PKD1L1: variants seen among roughly 807,000 people sequenced by gnomAD.
PKD1L1 encodes polycystin 1 like 1, transient receptor potential channel interacting, also known as polycystin-1-like protein 1.
A neutral mutation model predicts 323.4 loss-of-function variants in PKD1L1; 236 were observed. The ratio of observed to expected loss-of-function variants is 0.73; its 90% CI spans 0.66 to 0.81. The LOEUF is 0.81. Ranked by LOEUF, PKD1L1 falls within the 40% of genes least tolerant of loss-of-function variation. The probability of loss-of-function intolerance (pLI) is 0.00; values close to 1 mark genes in which losing one functional copy is unlikely to be tolerated. For missense variants in PKD1L1, 3,320 were observed against 3,508.0 expected (o/e 0.95, Z 1.35); for synonymous variants, 1,344 against 1,335.0 (o/e 1.01, Z -0.15).
chr7:47,897,154 AG>A (rs1786954516), intron 14 of PKD1L1, among the ~76,000 whole-genome samples: 1 of 152,204 alleles, frequency 6.6e-6, no homozygotes, highest in Admixed American at 6.5e-5. Flanking sequence ...ATCCCAGCAC[AG>A]ATTGGGAGGA....
chr7:47,959,780 G>A, the PKD1L1 span, among the ~76,000 whole-genome samples: 471 of 135,334 alleles, frequency 3.5e-3, no homozygotes, highest in African/African-American at 6.5e-3. Context: ...CAGCCGCCCC[G>A]TCCGGGAGGT....
At chr7:47,777,455 CA>C (rs1410348088) in intron 56 of PKD1L1, among the ~76,000 whole-genome samples, 2 of 151,684 alleles carry the variant, frequency 1.3e-5, no homozygotes, top group African/African-American at 4.9e-5. Flanking sequence ...AGCCAGCACA[CA>C]GCAGAATGCA....
intron 33 of PKD1L1, among the ~76,000 whole-genome samples, chr7:47,844,605 G>C (rs1785626880): frequency 6.6e-6 from 1 of 152,152 alleles, no homozygotes; most frequent in African/African-American, 2.4e-5. Context: ...GAGAAAGAGG[G>C]AGCTATTAAT....
intron 24 of PKD1L1, 136 bp downstream of exon 24, chr7:47,873,763 A>G: frequency 1.7e-6 from 1 of 592,186 alleles, no homozygotes. Context: ...TAGCACCCGG[A>G]CTTTTTTATT....
intron 19 of PKD1L1, among the ~76,000 whole-genome samples, chr7:47,882,600 C>CG (rs1562971631): frequency 4.0e-5 from 6 of 150,650 alleles, no homozygotes; most frequent in Non-Finnish European, 5.9e-5. Flanking sequence ...CTAGAAGGAG[C>CG]CCTTCAAGCA....
At chr7:47,821,560 T>C (rs1785141584) in intron 45 of PKD1L1, among the ~76,000 whole-genome samples, 1 of 152,000 alleles carries the variant, frequency 6.6e-6, no homozygotes. Context: ...TGAGTCACCA[T>C]GCCGGGCCAG....
chr7:47,795,961 C>A (rs527885982), intron 55 of PKD1L1, 28 bp downstream of exon 55: 5 of 1,601,228 alleles, frequency 3.1e-6, no homozygotes, highest in Non-Finnish European at 4.3e-6. Flanking sequence ...TGCTATCATG[C>A]TCAGTAATCC....
At position 47,839,791 on chromosome 7, in the gene PKD1L1, C is replaced by G; in HGVS notation, c.5553-129G>C. 1 of 902,886 alleles carries G rather than the reference C, an allele frequency of 1.1e-6. No homozygotes were observed. The highest frequency in any genetic ancestry group is 1.7e-6 in the Non-Finnish European group (1 of 594,794). 55.9% of individuals were successfully genotyped at this position (902,886 alleles called of 1,614,324 possible). On this transcript the variant is annotated intron_variant, in intron 35 of 56. Transcript: ENST00000289672. This position sits in a 1 kb window ranked among gnomAD's most constrained non-coding sequence, Gnocchi z 4.3. Reference sequence around the variant, plus strand: ...GGTGGATGGGACATGTCAAAGGTGACTGACATGCAGAGTGACATGTGAAGC... The same window carrying G: ...GGTGGATGGGACATGTCAAAGGTGAGTGACATGCAGAGTGACATGTGAAGC...
intron 7 of PKD1L1, among the ~76,000 whole-genome samples, chr7:47,918,835 C>G (rs997980080): frequency 5.1e-4 from 78 of 152,118 alleles, no homozygotes; most frequent in African/African-American, 1.7e-3. Context: ...AATAGTGACA[C>G]AACGTATCAA....
the PKD1L1 span, among the ~76,000 whole-genome samples, chr7:47,954,055 TTTAAA>T: frequency 6.6e-6 from 1 of 152,216 alleles, no homozygotes; most frequent in Non-Finnish European, 1.5e-5. Context: ...TGTAGCCTCC[TTTAAA>T]TTTTTAAATA....
Position 47,881,908 on chromosome 7 carries a change from C to A in PKD1L1, c.3442+1G>T. ...GGAGGGTACAAAGAGGACATTCATA[C>A]CTGAGGATGAATAGCCTTGGAAAAC... On this transcript the variant is annotated splice_donor_variant, in intron 20 of 56. Transcript: ENST00000289672. LOFTEE classifies it high-confidence loss of function. 2 of 1,590,902 alleles carry A rather than the reference C, an allele frequency of 1.3e-6. No individual in the cohort carries two copies. The highest frequency in any genetic ancestry group is 1.7e-6 in the Non-Finnish European group (2 of 1,171,734).
At chr7:47,901,462 T>C (rs1787088032) in intron 13 of PKD1L1, among the ~76,000 whole-genome samples, 1 of 152,154 alleles carries the variant, frequency 6.6e-6, no homozygotes, top group African/African-American at 2.4e-5. Flanking sequence ...TCCCATGTCC[T>C]AACAGCAGAG....
chr7:47,821,256 C>T (rs545682892), intron 45 of PKD1L1, 70 bp from the exon 46 acceptor site: 1 of 829,898 alleles, frequency 1.2e-6, no homozygotes, highest in African/African-American at 1.7e-5. Flanking sequence ...CTTCAATTTG[C>T]AAAAGATTTA....
At chr7:47,864,430 G>A (rs1432318547) in intron 26 of PKD1L1, among the ~76,000 whole-genome samples, 1 of 152,070 alleles carries the variant, frequency 6.6e-6, no homozygotes, top group African/African-American at 2.4e-5. Flanking sequence ...AAGGTGTGAC[G>A]AAGGAAAAAC....
At chr7:47,838,454 A>G (rs749991303) in intron 36 of PKD1L1, among the ~76,000 whole-genome samples, 8 of 152,254 alleles carry the variant, frequency 5.3e-5, no homozygotes, top group Non-Finnish European at 7.3e-5. Flanking sequence ...TCATTACCAT[A>G]ATAAATGAAA....
chr7:47,788,489 C>T (rs1786861957), intron 56 of PKD1L1, among the ~76,000 whole-genome samples: 1 of 150,140 alleles, frequency 6.7e-6, no homozygotes, highest in South Asian at 2.1e-4. Context: ...AACTCCTGGC[C>T]TCAAGTGATC....
chr7:47,847,918 A>AACATCAAGAAAAAACAAACTC (rs2128739825), intron 31 of PKD1L1, among the ~76,000 whole-genome samples: 1 of 152,328 alleles, frequency 6.6e-6, no homozygotes, highest in South Asian at 2.1e-4. Context: ...AGAGCTCTTA[A>AACATCAAGAAAAAACAAACTC]ACATCAAGAA....
At chr7:47,868,389 A>T (rs907616220) in intron 24 of PKD1L1, among the ~76,000 whole-genome samples, 1 of 152,126 alleles carries the variant, frequency 6.6e-6, no homozygotes, top group African/African-American at 2.4e-5. Context: ...AAAACAAAAC[A>T]AAAAACAACA....
intron 4 of PKD1L1, among the ~76,000 whole-genome samples, chr7:47,933,697 A>G (rs1787815194): frequency 6.6e-6 from 1 of 152,152 alleles, no homozygotes. Flanking sequence ...TTCTTTTCAT[A>G]GAGCACTCTG....
Sources: allele counts gnomAD v4.1 joint callset (sites outside exome capture counted in the v4.1 genomes callset), GRCh38; gene constraint gnomAD v4.1.1; non-coding constraint Gnocchi (gnomAD v3.1); transcripts MANE v1.5; gene names NCBI Gene and HGNC (gene_info 2026-07-23, HGNC 2026-07-21).